Variants in SP1 observed in about 807,000 individuals in gnomAD.
SP1 encodes the protein Sp1 transcription factor.
SP1 carries 6 observed loss-of-function variants against 66.3 expected under a neutral mutation model. The observed-to-expected ratio is 0.09, with a 90% CI of 0.05 to 0.18. The LOEUF is 0.18. Ranked by LOEUF, SP1 falls within the 10% of genes least tolerant of loss-of-function variation. SP1 has a pLI of 1.00. For synonymous variants in SP1, 417 were observed against 360.8 expected (o/e 1.16, Z -1.77); for missense variants, 848 against 964.5 (o/e 0.88, Z 1.60).
At chr12:53,405,591 A>G (rs760990849) in intron 3 of SP1, among the ~76,000 whole-genome samples, 11 of 151,928 alleles carry the variant, frequency 7.2e-5, no homozygotes, top group Non-Finnish European at 1.3e-4. Flanking sequence ...AATCACTTGA[A>G]CCCAGGAGAT....
intron 4 of SP1, among the ~76,000 whole-genome samples, chr12:53,409,129 G>A (rs1045376727): frequency 5.3e-5 from 8 of 152,002 alleles, no homozygotes; most frequent in Non-Finnish European, 1.0e-4. Flanking sequence ...GGAGGCTGAG[G>A]CAGGAGAATC....
intron 1 of SP1, chr12:53,381,430 A>T: frequency 2.7e-6 from 1 of 369,090 alleles, no homozygotes; most frequent in Admixed American, 4.5e-5. Flanking sequence ...ATGTTTTCTT[A>T]GTTTAATTTT....
rs1317821646 is a variant in SP1, at chr12:53,415,348, T to G, written c.*4108T>G. ...CCCCCAGGAAGACATTAAGCAGCCTTAAGCTTAAATTCCTACTCCCTCTTC... is the reference window on the plus strand; with the variant it reads ...CCCCCAGGAAGACATTAAGCAGCCTGAAGCTTAAATTCCTACTCCCTCTTC... On this transcript the variant is annotated 3_prime_UTR_variant, in exon 6 of 6. Coordinates refer to ENST00000327443, the MANE Select transcript of SP1 (RefSeq NM_138473.3). 6.6e-6 allele frequency: 1 copy of G among 152,396 alleles called. No individual in the cohort carries two copies. The highest frequency in any genetic ancestry group is 2.4e-5 in the African/African-American group (1 of 41,354). 9.4% of individuals were successfully genotyped at this position (152,396 alleles called of 1,614,324 possible).
At chr12:53,381,925 A>T in intron 2 of SP1, 112 bp downstream of exon 2, 1 of 1,289,128 alleles carries the variant, frequency 7.8e-7, no homozygotes. Context: ...CATTTTATAG[A>T]TAAGGAAGTA....
In SP1 at chr12:53,413,133, C is replaced by T. The variant is rs1051674627; in HGVS notation, c.*1893C>T. On this transcript the variant is annotated 3_prime_UTR_variant, in exon 6 of 6. Coordinates refer to ENST00000327443, the MANE Select transcript of SP1 (RefSeq NM_138473.3). ...ACAGATGACAAATTATATTTGAAAT[C>T]GTTGGAAAATAAATTCAGATCAAAA... 29 of 152,656 alleles carry T rather than the reference C, an allele frequency of 1.9e-4. No individual in the cohort carries two copies. Among genetic ancestry groups the T allele is most frequent in the African/African-American group, 6.3e-4 (26 of 41,530 alleles). The allele number at this position is 152,656 out of a possible 1,614,324, so 9.5% of individuals were successfully genotyped here.
intron 3 of SP1, among the ~76,000 whole-genome samples, chr12:53,393,470 A>T (rs946415852): frequency 6.6e-6 from 1 of 151,436 alleles, no homozygotes; most frequent in South Asian, 2.1e-4. Flanking sequence ...TTTAGTAGAG[A>T]TGGAGTTTCT....
At position 53,380,213 on chromosome 12, in the gene SP1, C is replaced by G. The variant is rs576657944; in HGVS notation, c.-79C>G. 1.0e-5 allele frequency: 11 copies of G among 1,101,462 alleles called. No homozygotes were observed. Among genetic ancestry groups the G allele is most frequent in the Middle Eastern group, 2.0e-4 (1 of 4,930 alleles). 68.2% of individuals were successfully genotyped at this position (1,101,462 alleles called of 1,614,324 possible). A position where few individuals can be genotyped will look rare whatever the true frequency, so the allele number is the denominator to read the frequency against. ...CTGTCCGGTCCGGGTTCGCTTGCCTCGTCAGCGTCCGCGTTTTTCCCGGCC... is the reference window on the plus strand; with the variant it reads ...CTGTCCGGTCCGGGTTCGCTTGCCTGGTCAGCGTCCGCGTTTTTCCCGGCC... On this transcript the variant is annotated 5_prime_UTR_variant, in exon 1 of 6. Coordinates refer to ENST00000327443, the MANE Select transcript of SP1 (RefSeq NM_138473.3).
intron 3 of SP1, among the ~76,000 whole-genome samples, chr12:53,404,573 A>C (rs1360572698): frequency 6.6e-6 from 1 of 151,824 alleles, no homozygotes; most frequent in African/African-American, 2.4e-5. Context: ...ATTATCTGTC[A>C]CTTTTTACCA....
intron 3 of SP1, among the ~76,000 whole-genome samples, chr12:53,391,672 AT>A (rs1450914244): frequency 6.0e-5 from 9 of 151,150 alleles, no homozygotes; most frequent in Admixed American, 5.3e-4. Context: ...TGATCTTGAG[AT>A]TTGGGATACA....
chr12:53,414,577 A>T lies in SP1; in HGVS notation c.*3337A>T, dbSNP rs1487419069. ...TGGCTGATTTATTTCTACTATATACATATATATTTTTTGCTTTTGTATATC... is the reference window on the plus strand; with the variant it reads ...TGGCTGATTTATTTCTACTATATACTTATATATTTTTTGCTTTTGTATATC... On this transcript the variant is annotated 3_prime_UTR_variant, in exon 6 of 6. Transcript: ENST00000327443. The T allele has an allele frequency of 6.6e-6, 1 of 152,630 alleles. No homozygotes were observed. Among genetic ancestry groups the T allele is most frequent in the Non-Finnish European group, 1.5e-5 (1 of 68,042 alleles). The allele number at this position is 152,630 out of a possible 1,614,324, so 9.5% of individuals were successfully genotyped here. A position where few individuals can be genotyped will look rare whatever the true frequency, so the allele number is the denominator to read the frequency against.
At chr12:53,397,626 C>T (rs528600128) in intron 3 of SP1, among the ~76,000 whole-genome samples, 2 of 148,850 alleles carry the variant, frequency 1.3e-5, no homozygotes, top group East Asian at 3.9e-4. Context: ...CTGCTCTTCG[C>T]CCAGGCTGGA....
At chr12:53,393,675 G>A (rs1938406834) in intron 3 of SP1, among the ~76,000 whole-genome samples, 1 of 149,622 alleles carries the variant, frequency 6.7e-6, no homozygotes, top group Non-Finnish European at 1.5e-5. Context: ...TTGGCTCACT[G>A]CAACATCCGC....
intron 3 of SP1, among the ~76,000 whole-genome samples, chr12:53,403,286 G>A (rs1938653389): frequency 6.6e-6 from 1 of 152,140 alleles, no homozygotes; most frequent in South Asian, 2.1e-4. Context: ...ACCTCGTTTA[G>A]TTACTTTCTT....
intron 4 of SP1, among the ~76,000 whole-genome samples, chr12:53,406,964 A>G (rs1025064852): frequency 1.3e-5 from 2 of 151,572 alleles, no homozygotes; most frequent in East Asian, 2.0e-4. Flanking sequence ...AGCTGGGACT[A>G]CAGGCACCTG....
rs57242856 is a variant in SP1, at chr12:53,412,930, CTGTGTGTGTG to C, written c.*1718_*1727del. 4.8e-3 allele frequency: 706 copies of C among 147,412 alleles called. 5 individuals are homozygous for C. The highest frequency in any genetic ancestry group is 8.2e-3 in the Admixed American group (119 of 14,568). The allele number at this position is 147,412 out of a possible 1,614,324, so 9.1% of individuals were successfully genotyped here. The stretch of plus-strand genomic sequence containing the variant: ...TGTGAGGAAGTGTGGAAAAATAGCT[CTGTGTGTGTG>C]TGTGTGTGTGTGTGTGTGTGTGTGT... On this transcript the variant is annotated 3_prime_UTR_variant, in exon 6 of 6. Transcript: ENST00000327443.
In SP1 at chr12:53,413,269, C is replaced by T. The variant is rs1938932706; in HGVS notation, c.*2029C>T. 1 of 152,274 alleles carries T rather than the reference C, an allele frequency of 6.6e-6. No homozygotes were observed. Among genetic ancestry groups the T allele is most frequent in the Non-Finnish European group, 1.5e-5 (1 of 68,022 alleles). The allele number at this position is 152,274 out of a possible 1,614,324, so 9.4% of individuals were successfully genotyped here. On this transcript the variant is annotated 3_prime_UTR_variant, in exon 6 of 6. Transcript: ENST00000327443. Reference sequence around the variant, plus strand: ...ACAATTATGAATGGAGGATATTCTACTGTACTTTTTTAAAAAGAAACTATT... The same window carrying T: ...ACAATTATGAATGGAGGATATTCTATTGTACTTTTTTAAAAAGAAACTATT...
chr12:53,411,405 A>T lies in SP1; in HGVS notation c.*165A>T, dbSNP rs975221314. 2 of 580,878 alleles carry T rather than the reference A, an allele frequency of 3.4e-6. No homozygotes were observed. Among genetic ancestry groups the T allele is most frequent in the African/African-American group, 3.7e-5 (2 of 53,558 alleles). 36.0% of individuals were successfully genotyped at this position (580,878 alleles called of 1,614,324 possible). ...ACAAGAGAGGAGATGGGGTCCCGGCACCCATCTGTATCATCAGTGCCTCTT... is the reference window on the plus strand; with the variant it reads ...ACAAGAGAGGAGATGGGGTCCCGGCTCCCATCTGTATCATCAGTGCCTCTT... On this transcript the variant is annotated 3_prime_UTR_variant, in exon 6 of 6. Coordinates refer to ENST00000327443, the MANE Select transcript of SP1 (RefSeq NM_138473.3).
intron 3 of SP1, among the ~76,000 whole-genome samples, chr12:53,403,289 ACTTT>A (rs1938653452): frequency 6.6e-6 from 1 of 152,146 alleles, no homozygotes; most frequent in Non-Finnish European, 1.5e-5. Flanking sequence ...TCGTTTAGTT[ACTTT>A]CTTTCCTTTT....
intron 4 of SP1, 147 bp from the exon 5 acceptor site, chr12:53,409,215 A>G (rs1218623383): frequency 4.8e-6 from 3 of 618,754 alleles, no homozygotes; most frequent in African/African-American, 3.9e-5. Context: ...ACAGAGTGAG[A>G]CTCTCTCAAA....
Sources: gnomAD v4.1 joint callset for allele counts (sites outside exome capture counted in the v4.1 genomes callset) on GRCh38, gnomAD v4.1.1 for gene constraint, MANE v1.5 for transcripts, NCBI Gene and HGNC (gene_info 2026-07-23, HGNC 2026-07-21) for gene names.